The following SECISBP2L variants were observed in gnomAD, a reference collection of about 807,000 sequenced individuals.
SECISBP2L encodes the protein selenocysteine insertion sequence-binding protein 2-like.
A neutral mutation model predicts 114.7 loss-of-function variants in SECISBP2L; 43 were observed. The observed-to-expected ratio is 0.38, with a 90% CI of 0.29 to 0.48. SECISBP2L has a LOEUF of 0.48. Ranked by LOEUF, SECISBP2L falls within the 20% of genes least tolerant of loss-of-function variation. SECISBP2L has a pLI of 0.98. For missense variants in SECISBP2L, 1,136 were observed against 1,301.1 expected (o/e 0.87, Z 1.95); for synonymous variants, 451 against 439.7 (o/e 1.03, Z -0.32).
chr15:49,009,149 T>C (rs904107636), intron 14 of SECISBP2L, 67 bp downstream of exon 14: 15 of 1,506,122 alleles, frequency 1.0e-5, no homozygotes, highest in Non-Finnish European at 1.4e-5. Context: ...ACAATGACAA[T>C]ACTAAATTCA....
intron 1 of SECISBP2L, among the ~76,000 whole-genome samples, chr15:49,039,037 T>C (rs1903067781): frequency 6.6e-6 from 1 of 152,144 alleles, no homozygotes; most frequent in African/African-American, 2.4e-5. Context: ...AATTAACTTC[T>C]CTAAAAAGTT....
At chr15:49,000,659 A>G (rs1218321763) in intron 15 of SECISBP2L, among the ~76,000 whole-genome samples, 1 of 152,198 alleles carries the variant, frequency 6.6e-6, no homozygotes, top group Non-Finnish European at 1.5e-5. Context: ...CCAAACTGAA[A>G]TCTTCCACTG....
At chr15:49,025,914 G>A (rs1664950060) in intron 7 of SECISBP2L, among the ~76,000 whole-genome samples, 1 of 152,156 alleles carries the variant, frequency 6.6e-6, no homozygotes, top group African/African-American at 2.4e-5. Flanking sequence ...ATGTTAAAGA[G>A]ATATCTGCCT....
At chr15:48,996,331 G>T (rs768839664) in intron 17 of SECISBP2L, 36 bp downstream of exon 17, 2 of 1,533,018 alleles carry the variant, frequency 1.3e-6, no homozygotes, top group South Asian at 2.3e-5. Context: ...ATCATCTCAT[G>T]GTTTAAGTCA....
At chr15:49,011,645 A>T in intron 13 of SECISBP2L, 86 bp downstream of exon 13, 3 of 1,449,172 alleles carry the variant, frequency 2.1e-6, no homozygotes, top group Non-Finnish European at 2.8e-6. Flanking sequence ...TCTTCCAATC[A>T]GGAGCATTAA....
intron 14 of SECISBP2L, among the ~76,000 whole-genome samples, chr15:49,007,364 G>C (rs547427047): frequency 6.6e-6 from 1 of 152,320 alleles, no homozygotes; most frequent in East Asian, 1.9e-4. Flanking sequence ...CAGCAGACAG[G>C]AACATTTAAC....
At chr15:49,027,296 C>G (rs1902763771) in intron 7 of SECISBP2L, 69 bp downstream of exon 7, 1 of 1,130,906 alleles carries the variant, frequency 8.8e-7, no homozygotes, top group Admixed American at 1.7e-5. Flanking sequence ...CACTACACCA[C>G]TGTAACTAAC....
At chr15:49,009,418 T>C (rs1329828588) in intron 13 of SECISBP2L, 40 bp from the exon 14 acceptor site, 2 of 1,584,988 alleles carry the variant, frequency 1.3e-6, no homozygotes, top group Non-Finnish European at 1.7e-6. Flanking sequence ...TTTAGAAACT[T>C]CAAATGCTGA....
chr15:49,007,106 C>G (rs967428641), intron 14 of SECISBP2L, among the ~76,000 whole-genome samples: 1 of 152,126 alleles, frequency 6.6e-6, no homozygotes, highest in Non-Finnish European at 1.5e-5. Context: ...ACCCTTTTTG[C>G]CTGGGTATCA....
chr15:49,046,313 G>T lies in SECISBP2L; in HGVS notation c.-14C>A. 1 of 1,543,368 alleles carries T rather than the reference G, an allele frequency of 6.5e-7. No individual in the cohort carries two copies. ...GGCTCGGTCCATGGTGCCTGCAGCC[G>T]CAACGGGCCCGCGCTAGTCGGTGTA... On this transcript the variant is annotated 5_prime_UTR_variant, in exon 1 of 18. Transcript: ENST00000559471.
In SECISBP2L at chr15:49,037,760, G is replaced by A. The variant is rs1487568158; in HGVS notation, c.34C>T (p.Leu12=). 6.3e-7 allele frequency: 1 copy of A among 1,596,060 alleles called. No individual in the cohort carries two copies. The highest frequency in any genetic ancestry group is 1.1e-5 in the South Asian group (1 of 88,206). ...ATAAATGGCTCCACCTCAGCTGACAGCTTGACATTCTTCAAAGAGAAAGTA... is the reference window on the plus strand; with the variant it reads ...ATAAATGGCTCCACCTCAGCTGACAACTTGACATTCTTCAAAGAGAAAGTA... ...DRAPTEQNVK[L]SAEVEPFIPQ... is the part of the protein sequence containing the mutation. Residue 12 remains leucine, a synonymous_variant, in exon 2 of 18, where the codon CTG becomes TTG. Coordinates refer to ENST00000559471, the MANE Select transcript of SECISBP2L (RefSeq NM_001193489.2).
chr15:49,013,086 C>CA (rs1467717409), intron 11 of SECISBP2L: 8 of 295,396 alleles, frequency 2.7e-5, no homozygotes, highest in Non-Finnish European at 5.0e-5. Context: ...TCAAACATGG[C>CA]AATTCCTTGC....
At chr15:49,006,112 G>C (rs893341848) in intron 14 of SECISBP2L, among the ~76,000 whole-genome samples, 1 of 152,182 alleles carries the variant, frequency 6.6e-6, no homozygotes, top group Admixed American at 6.5e-5. Flanking sequence ...TCTGCAGAGA[G>C]ACCCGCTGTT....
intron 4 of SECISBP2L, 101 bp downstream of exon 4, chr15:49,032,863 GA>G: frequency 7.1e-7 from 1 of 1,400,980 alleles, no homozygotes; most frequent in Non-Finnish European, 9.7e-7. Flanking sequence ...ATGAAAGGAT[GA>G]AAGTCTACAA....
At chr15:49,005,388 A>C (rs1902296195) in intron 14 of SECISBP2L, among the ~76,000 whole-genome samples, 1 of 152,070 alleles carries the variant, frequency 6.6e-6, no homozygotes, top group Non-Finnish European at 1.5e-5. Context: ...TAGGTCTCTA[A>C]GGACTTGCTT....
In SECISBP2L at chr15:48,992,745, A is replaced by G. The variant is rs1902009143; in HGVS notation, c.2805T>C (p.Ala935=). 2 of 1,614,192 alleles carry G rather than the reference A, an allele frequency of 1.2e-6. No homozygotes were observed. The highest frequency in any genetic ancestry group is 1.6e-4 in the Middle Eastern group (1 of 6,062). The stretch of plus-strand genomic sequence containing the variant: ...CTTTATCACTTGCTGTGGATTTCCC[A>G]GCACTTGTAGCTGAGGTAGTACTGC... ...ATGSTTSATS[A]GKSTASDKEE... The change falls in exon 18 of 18, where the codon GCT becomes GCC. Residue 935 remains alanine (A), a synonymous_variant. Coordinates refer to ENST00000559471, the MANE Select transcript of SECISBP2L (RefSeq NM_001193489.2).
chr15:48,990,258 G>A lies in SECISBP2L; in HGVS notation c.*1986C>T, dbSNP rs543948702. 9 of 152,692 alleles carry A rather than the reference G, an allele frequency of 5.9e-5. No individual in the cohort carries two copies. Among genetic ancestry groups the A allele is most frequent in the African/African-American group, 1.9e-4 (8 of 41,530 alleles). The allele number at this position is 152,692 out of a possible 1,614,324, so 9.5% of individuals were successfully genotyped here. On this transcript the variant is annotated 3_prime_UTR_variant, in exon 18 of 18. Coordinates refer to ENST00000559471, the MANE Select transcript of SECISBP2L (RefSeq NM_001193489.2). ...GAGTTATCTGAATCACTGACATCGA[G>A]CAAAGGAAATTTACACCATAAAAAG...
intron 16 of SECISBP2L, among the ~76,000 whole-genome samples, chr15:48,997,976 GGCCA>G (rs1243583483): frequency 6.6e-6 from 1 of 152,176 alleles, no homozygotes; most frequent in Non-Finnish European, 1.5e-5. Context: ...GCCACCAGAA[GGCCA>G]ATCTATATGA....
chr15:49,038,458 T>C (rs1010852487), intron 1 of SECISBP2L, among the ~76,000 whole-genome samples: 1 of 150,760 alleles, frequency 6.6e-6, no homozygotes, highest in Non-Finnish European at 1.5e-5. Flanking sequence ...CTGTAGTATT[T>C]AGGGATGCAC....
Sources: allele counts gnomAD v4.1 joint callset (sites outside exome capture counted in the v4.1 genomes callset), GRCh38; gene constraint gnomAD v4.1.1; transcripts MANE v1.5; gene names NCBI Gene and HGNC (gene_info 2026-07-23, HGNC 2026-07-21).